Variants in TXK observed in about 807,000 individuals in gnomAD.
TXK encodes the protein TXK tyrosine kinase.
TXK carries 60 observed loss-of-function variants against 81.0 expected under a neutral mutation model. The ratio of observed to expected loss-of-function variants is 0.74; its 90% CI spans 0.60 to 0.92. TXK has a LOEUF of 0.92. Ranked by LOEUF, TXK falls within the 40% of genes least tolerant of loss-of-function variation. TXK has a pLI of 0.00. For missense variants in TXK, 581 were observed against 638.3 expected (o/e 0.91, Z 0.97); for synonymous variants, 203 against 210.7 (o/e 0.96, Z 0.32).
At chr4:48,093,029 A>G (rs1344322652) in intron 8 of TXK, among the ~76,000 whole-genome samples, 1 of 152,252 alleles carries the variant, frequency 6.6e-6, no homozygotes, top group African/African-American at 2.4e-5. Flanking sequence ...CTTATCACCA[A>G]AACCACTCTT....
At chr4:48,097,790 C>T (rs1420747449) in intron 6 of TXK, among the ~76,000 whole-genome samples, 1 of 146,546 alleles carries the variant, frequency 6.8e-6, no homozygotes, top group Non-Finnish European at 1.5e-5. Context: ...CGCTGTTGCC[C>T]GGGCTGGAGT....
intron 1 of TXK, among the ~76,000 whole-genome samples, chr4:48,130,403 G>A (rs1383075609): frequency 6.6e-6 from 1 of 152,146 alleles, no homozygotes; most frequent in Non-Finnish European, 1.5e-5. Context: ...ACTTCTAAGC[G>A]AATTCCAAGC....
chr4:48,119,337 C>T (rs765117566), intron 1 of TXK, among the ~76,000 whole-genome samples: 6 of 152,188 alleles, frequency 3.9e-5, no homozygotes, highest in Non-Finnish European at 7.3e-5. Flanking sequence ...TCTTCTAAAC[C>T]TACATTCATA....
chr4:48,073,771 G>A (rs528647645), intron 13 of TXK, among the ~76,000 whole-genome samples, 164 bp downstream of exon 13: 1 of 152,356 alleles, frequency 6.6e-6, no homozygotes, highest in South Asian at 2.1e-4. Context: ...TGTGACACCA[G>A]TTGCCAAAGA....
chr4:48,076,341 A>G, intron 12 of TXK, 61 bp downstream of exon 12: 1 of 1,245,598 alleles, frequency 8.0e-7, no homozygotes, highest in East Asian at 2.5e-5. Context: ...AAACAAATGT[A>G]AGATTCCCTC....
At position 48,134,249 on chromosome 4, in the gene TXK, C is replaced by A. The variant is rs1017117844; in HGVS notation, c.-79G>T. On this transcript the variant is annotated 5_prime_UTR_variant, in exon 1 of 15. Transcript: ENST00000264316. ...CTACTCACAAAAACACATCTTTCAA[C>A]TGAAATCATAGTTCGCTCAAGATGT... The A allele has an allele frequency of 5.8e-6, 9 of 1,558,896 alleles. No homozygotes were observed. The highest frequency in any genetic ancestry group is 1.4e-5 in the African/African-American group (1 of 73,416).
intron 13 of TXK, among the ~76,000 whole-genome samples, chr4:48,073,374 G>T (rs1577646241): frequency 6.6e-6 from 1 of 152,120 alleles, no homozygotes; most frequent in African/African-American, 2.4e-5. Flanking sequence ...TTCATTGGAC[G>T]TGGGTCTATG....
At position 48,071,673 on chromosome 4, in the gene TXK, T is replaced by G; in HGVS notation, c.1359A>C (p.Gly453=). ...YSSKSDVWSF[G]VLMWEVFTEG... is the part of the protein sequence containing the mutation. ...CTGTAAAAACTTCCCACATTAAAAC[T>G]CCTGCAAACAAAAATGCAGGAAAAC... Residue 453 remains glycine, a splice_region_variant and synonymous_variant, in exon 14 of 15, where the codon GGA becomes GGC. Transcript: ENST00000264316. 1.9e-6 allele frequency: 3 copies of G among 1,613,338 alleles called. No homozygotes were observed. The highest frequency in any genetic ancestry group is 2.5e-6 in the Non-Finnish European group (3 of 1,179,760).
chr4:48,122,524 T>G (rs28609133), intron 1 of TXK, among the ~76,000 whole-genome samples: 195 of 152,344 alleles, frequency 1.3e-3, no homozygotes, highest in African/African-American at 4.5e-3. Context: ...TTTCTTTCTT[T>G]TTTGGTGTAT....
chr4:48,084,680 G>A (rs1353949118), intron 10 of TXK, among the ~76,000 whole-genome samples: 1 of 152,226 alleles, frequency 6.6e-6, no homozygotes, highest in Non-Finnish European at 1.5e-5. Flanking sequence ...ACATCATTGG[G>A]AAGCTGGTGT....
chr4:48,102,473 A>C (rs1560353690), intron 6 of TXK, among the ~76,000 whole-genome samples: 1 of 152,242 alleles, frequency 6.6e-6, no homozygotes, highest in Non-Finnish European at 1.5e-5. Context: ...TTGAAAAAAA[A>C]CTGTGAAACT....
At chr4:48,100,027 C>G (rs1288022434) in intron 6 of TXK, among the ~76,000 whole-genome samples, 1 of 151,540 alleles carries the variant, frequency 6.6e-6, no homozygotes, top group Non-Finnish European at 1.5e-5. Flanking sequence ...AAAAAATTAG[C>G]CGGGCGCAGT....
At chr4:48,094,340 A>G in intron 7 of TXK, 136 bp from the exon 8 acceptor site, 1 of 961,436 alleles carries the variant, frequency 1.0e-6, no homozygotes, top group Non-Finnish European at 1.5e-6. Context: ...GGCTAAATTC[A>G]ACAAGTGCCC....
chr4:48,083,550 G>A (rs531393506), intron 10 of TXK, among the ~76,000 whole-genome samples: 24 of 152,058 alleles, frequency 1.6e-4, no homozygotes, highest in African/African-American at 5.8e-4. Flanking sequence ...ATTGAGACTT[G>A]TCTCAGAAAC....
intron 1 of TXK, among the ~76,000 whole-genome samples, chr4:48,116,942 G>A (rs1252796234): frequency 6.6e-6 from 1 of 152,168 alleles, no homozygotes; most frequent in East Asian, 1.9e-4. Context: ...GAGTGCAGTG[G>A]TGCTATCTTG....
chr4:48,134,088 TG>T, intron 1 of TXK, 66 bp downstream of exon 1: 1 of 1,579,514 alleles, frequency 6.3e-7, no homozygotes, highest in Admixed American at 1.8e-5. Flanking sequence ...AAACTTCCTC[TG>T]CTGTTCAAGA....
At chr4:48,092,640 T>C (rs67723804) in intron 8 of TXK, among the ~76,000 whole-genome samples, 43,895 of 144,350 alleles carry the variant, frequency 0.3, 8,054 homozygotes, top group Non-Finnish European at 0.4. Context: ...TTGTTTTTGT[T>C]TTTAGGATAA....
chr4:48,130,232 T>C (rs535151340), intron 1 of TXK, among the ~76,000 whole-genome samples: 24 of 152,312 alleles, frequency 1.6e-4, no homozygotes, highest in African/African-American at 5.8e-4. Flanking sequence ...CACTTAGTTA[T>C]CTATTGTTGG....
intron 13 of TXK, among the ~76,000 whole-genome samples, chr4:48,072,003 G>T (rs1716881294): frequency 6.7e-6 from 1 of 149,564 alleles, no homozygotes; most frequent in African/African-American, 2.5e-5. Context: ...GCCCGGGCTG[G>T]AGTGCAGTGG....
Sources: gnomAD v4.1 joint callset for allele counts (sites outside exome capture counted in the v4.1 genomes callset) on GRCh38, gnomAD v4.1.1 for gene constraint, MANE v1.5 for transcripts, NCBI Gene and HGNC (gene_info 2026-07-23, HGNC 2026-07-21) for gene names.